PRDM5: variants seen among roughly 807,000 people sequenced by gnomAD.
PRDM5 encodes the protein PR/SET domain 5.
A neutral mutation model predicts 81.2 loss-of-function variants in PRDM5; 56 were observed. That is an observed-to-expected ratio of 0.69 (90% confidence interval 0.56 to 0.86). PRDM5 has a LOEUF of 0.86. Ranked by LOEUF, PRDM5 falls within the 40% of genes least tolerant of loss-of-function variation. The pLI is 0.00. For missense variants in PRDM5, 697 were observed against 770.1 expected, an observed-to-expected ratio of 0.91 and a Z score of 1.12; for synonymous variants, 267 against 256.4, an observed-to-expected ratio of 1.04 and a Z score of -0.39.
At chr4:120,899,662 G>A (rs1765028038) in intron 2 of PRDM5, among the ~76,000 whole-genome samples, 2 of 152,100 alleles carry the variant, frequency 1.3e-5, no homozygotes, top group African/African-American at 2.4e-5. Context: ...GCAACTCTCT[G>A]GTGGATTATT....
At chr4:120,833,798 A>C (rs997816893) in intron 3 of PRDM5, among the ~76,000 whole-genome samples, 6 of 152,176 alleles carry the variant, frequency 3.9e-5, no homozygotes, top group African/African-American at 1.2e-4. Flanking sequence ...ATCCCCGAAG[A>C]GGGGACTATA....
intron 13 of PRDM5, among the ~76,000 whole-genome samples, chr4:120,756,332 A>T (rs1398272950): frequency 6.6e-6 from 1 of 152,168 alleles, no homozygotes; most frequent in Non-Finnish European, 1.5e-5. Flanking sequence ...GGTCTTATGC[A>T]TGCTATAAAT....
At chr4:120,886,750 G>T (rs1763476404) in intron 2 of PRDM5, among the ~76,000 whole-genome samples, 1 of 152,050 alleles carries the variant, frequency 6.6e-6, no homozygotes, top group South Asian at 2.1e-4. Context: ...ACTCTGCAAA[G>T]ACCTGGGGAG....
intron 14 of PRDM5, among the ~76,000 whole-genome samples, chr4:120,715,261 G>A (rs1460094703): frequency 6.6e-6 from 1 of 152,092 alleles, no homozygotes. Flanking sequence ...AAGTTCAGAT[G>A]TTTTCTGTTT....
chr4:120,845,296 A>G (rs1037364556), intron 3 of PRDM5, among the ~76,000 whole-genome samples: 22 of 152,368 alleles, frequency 1.4e-4, no homozygotes, highest in East Asian at 1.9e-4. Context: ...TAGAATTTTC[A>G]TGGCGAGAGA....
Position 120,694,951 on chromosome 4 carries a change from T to A in PRDM5, c.*160A>T. The A allele has an allele frequency of 1.3e-6, 1 of 770,748 alleles. No individual in the cohort carries two copies. Among genetic ancestry groups the A allele is most frequent in the East Asian group, 2.6e-5 (1 of 37,822 alleles). The allele number at this position is 770,748 out of a possible 1,614,324, so 47.7% of individuals were successfully genotyped here. A position where few individuals can be genotyped will look rare whatever the true frequency, so the allele number is the denominator to read the frequency against. On this transcript the variant is annotated 3_prime_UTR_variant, in exon 16 of 16. Coordinates refer to ENST00000264808, the MANE Select transcript of PRDM5 (RefSeq NM_018699.4). ...TTTCTTGTTAAAAGTAAGACTTTTT[T>A]TTGGTTGCATATGCATCTACAGACT...
chr4:120,839,161 C>T (rs1185725360), intron 3 of PRDM5: 3 of 690,286 alleles, frequency 4.3e-6, no homozygotes, highest in Admixed American at 4.0e-5. Flanking sequence ...TGAAAGGCTG[C>T]AGCTCTTCTC....
intron 14 of PRDM5, among the ~76,000 whole-genome samples, chr4:120,718,088 A>G (rs951304259): frequency 2.0e-5 from 3 of 152,210 alleles, no homozygotes; most frequent in Non-Finnish European, 4.4e-5. Flanking sequence ...AGAAGGTTCA[A>G]CTTGCGAGTG....
chr4:120,791,698 C>A (rs1750595536), intron 10 of PRDM5, among the ~76,000 whole-genome samples: 1 of 152,172 alleles, frequency 6.6e-6, no homozygotes, highest in African/African-American at 2.4e-5. Context: ...CAACCACCAC[C>A]AACTCTCACT....
chr4:120,844,070 A>G (rs1758366581), intron 3 of PRDM5, among the ~76,000 whole-genome samples: 1 of 152,148 alleles, frequency 6.6e-6, no homozygotes, highest in Non-Finnish European at 1.5e-5. Flanking sequence ...GGGCAGGCTC[A>G]CTAGGATTCA....
intron 1 of PRDM5, among the ~76,000 whole-genome samples, chr4:120,685,890 G>T (rs1733815680): frequency 6.6e-6 from 1 of 151,756 alleles, no homozygotes; most frequent in Non-Finnish European, 1.5e-5. Flanking sequence ...ATGTTGAATT[G>T]TAATCCCCTA....
rs1026709028 is a variant in PRDM5 at position 120,917,817 on chromosome 4, G to C, written c.93+4699C>G. On this transcript the variant is annotated intron_variant, in intron 1 of 15. Coordinates refer to ENST00000264808, the MANE Select transcript of PRDM5 (RefSeq NM_018699.4). ...ATGTTTTTTTTAAAAGTGTGCATGT[G>C]TTTGTATATTTGTGGATATAGCATT... Among the ~76,000 whole-genome samples the C allele has an allele frequency of 7.6e-4, 116 of 152,128 alleles. 3 individuals are homozygous for C. The highest frequency in any genetic ancestry group is 2.7e-3 in the African/African-American group (114 of 41,482).
intron 13 of PRDM5, among the ~76,000 whole-genome samples, chr4:120,760,128 T>C (rs1008373542): frequency 6.6e-6 from 1 of 152,218 alleles, no homozygotes; most frequent in African/African-American, 2.4e-5. Flanking sequence ...TGCCATCACA[T>C]AAATTAGTAA....
chr4:120,840,571 GC>G (rs1357976445), intron 3 of PRDM5, among the ~76,000 whole-genome samples: 1 of 152,052 alleles, frequency 6.6e-6, no homozygotes, highest in Non-Finnish European at 1.5e-5. Flanking sequence ...CAAAAGTGTG[GC>G]CCCAGCTCCG....
intron 2 of PRDM5, among the ~76,000 whole-genome samples, chr4:120,885,134 C>CAAAAAAAAAAAA (rs60623556): frequency 7.9e-5 from 4 of 50,704 alleles, no homozygotes; most frequent in African/African-American, 2.0e-4. Flanking sequence ...GACTCCGTAT[C>CAAAAAAAAAAAA]AAAAAAAAAA....
intron 13 of PRDM5, among the ~76,000 whole-genome samples, chr4:120,758,600 T>G (rs1367012315): frequency 6.6e-6 from 1 of 152,100 alleles, no homozygotes; most frequent in East Asian, 1.9e-4. Flanking sequence ...CTGGAGCAGA[T>G]CCTTCCCTAG....
chr4:120,829,928 A>G (rs1322443016), intron 3 of PRDM5, among the ~76,000 whole-genome samples: 2 of 152,110 alleles, frequency 1.3e-5, no homozygotes, highest in African/African-American at 4.8e-5. Context: ...ATGAAGGTGC[A>G]AAAAAGAAAA....
chr4:120,854,034 T>C (rs1561497007), intron 2 of PRDM5, among the ~76,000 whole-genome samples: 1 of 152,162 alleles, frequency 6.6e-6, no homozygotes, highest in South Asian at 2.1e-4. Flanking sequence ...GAATCTGACA[T>C]CCAATGAAAC....
At chr4:120,857,647 C>T (rs1306094834) in intron 2 of PRDM5, among the ~76,000 whole-genome samples, 1 of 151,966 alleles carries the variant, frequency 6.6e-6, no homozygotes, top group East Asian at 1.9e-4. Flanking sequence ...TTTTGTGTTT[C>T]CACCCAGAAA....
Sources: allele counts gnomAD v4.1 joint callset (sites outside exome capture counted in the v4.1 genomes callset), GRCh38; gene constraint gnomAD v4.1.1; transcripts MANE v1.5; gene names NCBI Gene and HGNC (gene_info 2026-07-23, HGNC 2026-07-21).